Variants in SEMA6D observed in about 807,000 individuals in gnomAD.
The protein encoded by SEMA6D is semaphorin-6D.
Under a neutral mutation model 106.6 loss-of-function variants are expected in SEMA6D, and 35 were observed. The observed-to-expected ratio is 0.33, with a 90% CI of 0.25 to 0.44. SEMA6D has a LOEUF of 0.44. Ranked by LOEUF, SEMA6D falls within the 20% of genes least tolerant of loss-of-function variation. SEMA6D has a pLI of 1.00. For missense variants in SEMA6D, 1,185 were observed against 1,345.9 expected (o/e 0.88, Z 1.87); for synonymous variants, 499 against 487.7 (o/e 1.02, Z -0.31).
chr15:47,192,684 T>A lies in SEMA6D; in HGVS notation c.-239+8266T>A, dbSNP rs566759186. The stretch of plus-strand genomic sequence containing the variant: ...AGTATATCTTACAATGTTATGATTG[T>A]ACATAGAAATGACCAGAAAAATGAA... On this transcript the variant is annotated intron_variant, in intron 1 of 19. Coordinates refer to the SEMA6D transcript ENST00000558014. Among the ~76,000 whole-genome samples the A allele has an allele frequency of 2.0e-5, 3 of 152,332 alleles. No homozygotes were observed. The South Asian group carries it at 6.2e-4, about 32-fold the overall frequency.
intron 4 of SEMA6D, among the ~76,000 whole-genome samples, chr15:47,655,509 C>T (rs1439884445): frequency 6.6e-6 from 1 of 152,140 alleles, no homozygotes; most frequent in African/African-American, 2.4e-5. Flanking sequence ...CACAAGAAGT[C>T]CAAGAAAATC....
At chr15:47,739,461 G>A (rs983994886) in intron 1 of SEMA6D, among the ~76,000 whole-genome samples, 7 of 152,188 alleles carry the variant, frequency 4.6e-5, no homozygotes, top group African/African-American at 1.7e-4. Flanking sequence ...CAAGCAGTCA[G>A]GTCTCAGGGC....
chr15:47,273,168 T>TTA (rs1482826224), intron 1 of SEMA6D, among the ~76,000 whole-genome samples: 2 of 152,156 alleles, frequency 1.3e-5, no homozygotes, highest in Admixed American at 6.6e-5. Flanking sequence ...AGATGTGCTC[T>TTA]TAGTTTTGCC....
intron 4 of SEMA6D, chr15:47,606,249 A>T (rs1260894456): frequency 6.6e-6 from 1 of 152,204 alleles, no homozygotes; most frequent in East Asian, 1.9e-4. Context: ...CTTGGAGACC[A>T]GTCCTTACAT....
intron 1 of SEMA6D, among the ~76,000 whole-genome samples, chr15:47,231,899 CAGTGGCTTTT>C (rs2032220632): frequency 6.6e-6 from 1 of 151,946 alleles, no homozygotes; most frequent in South Asian, 2.1e-4. Flanking sequence ...ATGAATAATT[CAGTGGCTTTT>C]AGTACATTCA....
At chr15:47,207,130 G>A (rs1895126755) in intron 1 of SEMA6D, among the ~76,000 whole-genome samples, 1 of 152,130 alleles carries the variant, frequency 6.6e-6, no homozygotes, top group Non-Finnish European at 1.5e-5. Flanking sequence ...ATTCACTTGA[G>A]GGTCCTAGGG....
At chr15:47,214,696 A>T (rs2030391520) in intron 1 of SEMA6D, among the ~76,000 whole-genome samples, 1 of 152,184 alleles carries the variant, frequency 6.6e-6, no homozygotes, top group African/African-American at 2.4e-5. Flanking sequence ...AACCATCTAC[A>T]AAAAAATGTT....
At chr15:47,728,814 G>A (rs1319305528) in intron 1 of SEMA6D, among the ~76,000 whole-genome samples, 1 of 152,126 alleles carries the variant, frequency 6.6e-6, no homozygotes, top group African/African-American at 2.4e-5. Context: ...CTATGACTGA[G>A]ACTTCTTCCA....
chr15:47,206,279 T>G (rs1014659409), intron 1 of SEMA6D, among the ~76,000 whole-genome samples: 1 of 152,200 alleles, frequency 6.6e-6, no homozygotes, highest in Non-Finnish European at 1.5e-5. Context: ...GGCATGCATA[T>G]GGAATCTGTT....
intron 1 of SEMA6D, among the ~76,000 whole-genome samples, chr15:47,191,180 T>C (rs200164488): frequency 1.3e-5 from 1 of 76,730 alleles, no homozygotes; most frequent in Non-Finnish European, 2.4e-5. Context: ...TCTCAAAACA[T>C]ATATATATAT....
At chr15:47,588,793 T>C (rs1246028143) in intron 3 of SEMA6D, among the ~76,000 whole-genome samples, 1 of 152,102 alleles carries the variant, frequency 6.6e-6, no homozygotes, top group African/African-American at 2.4e-5. Context: ...TATAGTCCCT[T>C]AGTAATAAGC....
At chr15:47,607,040 A>G (rs1015630748) in intron 4 of SEMA6D, among the ~76,000 whole-genome samples, 7 of 152,172 alleles carry the variant, frequency 4.6e-5, no homozygotes, top group African/African-American at 1.7e-4. Flanking sequence ...TTCTTGTGCC[A>G]AATTAGAAAC....
intron 1 of SEMA6D, among the ~76,000 whole-genome samples, chr15:47,241,075 G>A (rs1186551317): frequency 6.6e-6 from 1 of 152,176 alleles, no homozygotes; most frequent in Non-Finnish European, 1.5e-5. Context: ...TAGCAAGGAA[G>A]GGACCGAGCT....
chr15:47,552,315 A>G (rs1000389792), intron 3 of SEMA6D, among the ~76,000 whole-genome samples: 1 of 152,084 alleles, frequency 6.6e-6, no homozygotes, highest in African/African-American at 2.4e-5. Flanking sequence ...GCAGAGACAA[A>G]AAATGACAAT....
chr15:47,527,102 C>A (rs993835062), intron 3 of SEMA6D, among the ~76,000 whole-genome samples: 11 of 152,132 alleles, frequency 7.2e-5, no homozygotes, highest in African/African-American at 1.2e-4. Context: ...TGCTCAACAA[C>A]AGGAATTATC....
chr15:47,338,513 C>T (rs555527886), intron 1 of SEMA6D, among the ~76,000 whole-genome samples: 10 of 151,834 alleles, frequency 6.6e-5, no homozygotes, highest in African/African-American at 2.4e-4. Context: ...TATGTACCCA[C>T]AAAAATTTTA....
At chr15:47,524,083 C>CA (rs1405079005) in intron 3 of SEMA6D, among the ~76,000 whole-genome samples, 4 of 152,192 alleles carry the variant, frequency 2.6e-5, no homozygotes, top group African/African-American at 4.8e-5. Flanking sequence ...TGCCCTGCTT[C>CA]AGTGAGATAT....
intron 4 of SEMA6D, among the ~76,000 whole-genome samples, chr15:47,671,375 AAGGTGTAGGAAAGACCT>A (rs1454061237): frequency 1.3e-5 from 2 of 152,208 alleles, no homozygotes; most frequent in African/African-American, 4.8e-5. Flanking sequence ...AAGTATATAA[AAGGTGTAGGAAAGACCT>A]ACGAGAATCA....
intron 1 of SEMA6D, among the ~76,000 whole-genome samples, chr15:47,232,904 T>A (rs1462813043): frequency 1.3e-5 from 2 of 151,954 alleles, no homozygotes; most frequent in Non-Finnish European, 2.9e-5. Flanking sequence ...TTCATAGTGT[T>A]CTTGGATACA....
Sources: gnomAD v4.1 joint callset for allele counts (sites outside exome capture counted in the v4.1 genomes callset) on GRCh38, gnomAD v4.1.1 for gene constraint, MANE v1.5 for transcripts, NCBI Gene and HGNC (gene_info 2026-07-23, HGNC 2026-07-21) for gene names.